GRM1: variants seen among roughly 807,000 people sequenced by gnomAD.
GRM1 encodes the protein glutamate metabotropic receptor 1.
In GRM1, 33 loss-of-function variants were observed where a neutral mutation model predicts 90.9. That is an observed-to-expected ratio of 0.36 (90% confidence interval 0.28 to 0.49). GRM1 has a LOEUF of 0.49. GRM1 is among the 20% of genes least tolerant of loss of function. The probability of loss-of-function intolerance (pLI) is 0.99; values close to 1 mark genes in which losing one functional copy is unlikely to be tolerated. For synonymous variants in GRM1, 700 were observed against 613.2 expected (o/e 1.14, Z -2.09); for missense variants, 1,190 against 1,534.3 (o/e 0.78, Z 3.75).
chr6:146,384,857 C>A (rs916970102), intron 5 of GRM1, among the ~76,000 whole-genome samples: 2 of 151,762 alleles, frequency 1.3e-5, no homozygotes, highest in Admixed American at 1.3e-4. Flanking sequence ...AAGAAAAAAA[C>A]ATTTTAATGG....
At chr6:146,308,588 TATAG>T (rs1783663229) in intron 3 of GRM1, among the ~76,000 whole-genome samples, 1 of 152,182 alleles carries the variant, frequency 6.6e-6, no homozygotes, top group African/African-American at 2.4e-5. Context: ...TTAGTGCCAA[TATAG>T]ATATTTTCTC....
intron 7 of GRM1, among the ~76,000 whole-genome samples, chr6:146,430,233 T>C (rs1778360224): frequency 6.6e-6 from 1 of 152,216 alleles, no homozygotes; most frequent in Admixed American, 6.5e-5. Flanking sequence ...AGCTAACTAA[T>C]GAAAGAAAAA....
intron 1 of GRM1, among the ~76,000 whole-genome samples, chr6:146,043,422 A>G (rs1271237475): frequency 6.6e-6 from 1 of 151,978 alleles, no homozygotes; most frequent in East Asian, 1.9e-4. Flanking sequence ...ACAGGGATTA[A>G]AAATTTAGAC....
intron 1 of GRM1, among the ~76,000 whole-genome samples, chr6:146,120,435 C>T (rs1182910385): frequency 6.6e-6 from 1 of 152,132 alleles, no homozygotes; most frequent in East Asian, 1.9e-4. Context: ...TTATTTCTTT[C>T]TCCTGCCTGA....
At chr6:146,272,216 G>A (rs1046695597) in intron 2 of GRM1, among the ~76,000 whole-genome samples, 5 of 152,104 alleles carry the variant, frequency 3.3e-5, no homozygotes, top group Admixed American at 6.5e-5. Context: ...AGGGTGCTTG[G>A]GGATTCTTTT....
chr6:146,040,116 T>C (rs750333621), intron 1 of GRM1, among the ~76,000 whole-genome samples: 1 of 150,582 alleles, frequency 6.6e-6, no homozygotes, highest in Non-Finnish European at 1.5e-5. Context: ...TGAGAAAGAG[T>C]CTACAGAAAA....
intron 2 of GRM1, among the ~76,000 whole-genome samples, chr6:146,191,706 A>G (rs1030610828): frequency 6.6e-6 from 1 of 151,232 alleles, no homozygotes; most frequent in Non-Finnish European, 1.5e-5. Context: ...TGCTTTTCCC[A>G]ATTTCTCTTC....
At chr6:146,352,778 C>G (rs1297198325) in intron 4 of GRM1, among the ~76,000 whole-genome samples, 1 of 152,178 alleles carries the variant, frequency 6.6e-6, no homozygotes, top group Non-Finnish European at 1.5e-5. Flanking sequence ...TGCTTGGGAC[C>G]TTCCTGCAAG....
intron 7 of GRM1, among the ~76,000 whole-genome samples, chr6:146,407,845 T>C (rs778523278): frequency 3.9e-4 from 59 of 152,332 alleles, no homozygotes; most frequent in Non-Finnish European, 7.1e-4. Context: ...ATAGAGCCCA[T>C]TCCCAAAAAA....
intron 1 of GRM1, among the ~76,000 whole-genome samples, chr6:146,051,388 C>T (rs545147244): frequency 7.0e-6 from 1 of 143,304 alleles, no homozygotes; most frequent in South Asian, 2.2e-4. Flanking sequence ...TGATACAGTG[C>T]TCATCCTAAG....
intron 6 of GRM1, among the ~76,000 whole-genome samples, chr6:146,391,747 CT>C (rs1776732061): frequency 6.6e-6 from 1 of 151,870 alleles, no homozygotes; most frequent in Non-Finnish European, 1.5e-5. Context: ...GAATCTAAAA[CT>C]TTTAAGAAAC....
At chr6:146,079,370 T>C (rs567341857) in intron 1 of GRM1, among the ~76,000 whole-genome samples, 3 of 152,104 alleles carry the variant, frequency 2.0e-5, no homozygotes, top group Non-Finnish European at 4.4e-5. Flanking sequence ...GCCATCTCCA[T>C]TGAGTGCAAG....
chr6:146,312,992 C>G lies in GRM1; in HGVS notation c.1186+8146C>G, dbSNP rs980345373. On this transcript the variant is annotated intron_variant, in intron 3 of 7. Transcript: ENST00000282753. The stretch of plus-strand genomic sequence containing the variant: ...GAGAAACATGCACATGTTCTGTCAT[C>G]CAAAAATTATAAAGATTGATGCAGG... Among the ~76,000 whole-genome samples the G allele has an allele frequency of 4.6e-5, 7 of 152,136 alleles. No homozygotes were observed. In the South Asian group the frequency reaches 1.5e-3, roughly 32 times the overall value.
intron 2 of GRM1, among the ~76,000 whole-genome samples, chr6:146,166,710 C>A (rs1026335760): frequency 2.6e-5 from 4 of 152,036 alleles, no homozygotes; most frequent in African/African-American, 9.7e-5. Flanking sequence ...CTAGAGTTGC[C>A]TGGGGCCTAC....
At chr6:146,215,123 G>A (rs1454272873) in intron 2 of GRM1, among the ~76,000 whole-genome samples, 3 of 152,094 alleles carry the variant, frequency 2.0e-5, no homozygotes, top group Non-Finnish European at 4.4e-5. Flanking sequence ...TTATTGTTTT[G>A]TATAAAGTCC....
chr6:146,192,934 G>C (rs963998557), intron 2 of GRM1, among the ~76,000 whole-genome samples: 1 of 152,002 alleles, frequency 6.6e-6, no homozygotes, highest in African/African-American at 2.4e-5. Context: ...GAAGATGACC[G>C]GCATAGAAGA....
chr6:146,306,414 C>G (rs1025972834), intron 3 of GRM1, among the ~76,000 whole-genome samples: 1 of 152,106 alleles, frequency 6.6e-6, no homozygotes, highest in African/African-American at 2.4e-5. Context: ...AGCAAAGAAA[C>G]GACAACCCAC....
intron 1 of GRM1, among the ~76,000 whole-genome samples, chr6:146,060,631 G>A (rs887604335): frequency 3.9e-5 from 6 of 151,944 alleles, no homozygotes; most frequent in Admixed American, 6.6e-5. Context: ...GTAACACATT[G>A]TCTTTATCCA....
chr6:146,035,787 CT>C (rs1790868854), intron 1 of GRM1, among the ~76,000 whole-genome samples: 1 of 151,752 alleles, frequency 6.6e-6, no homozygotes. Flanking sequence ...TTTATTTTTT[CT>C]TTTATATCTT....
Sources: gnomAD v4.1 joint callset for allele counts (sites outside exome capture counted in the v4.1 genomes callset) on GRCh38, gnomAD v4.1.1 for gene constraint, MANE v1.5 for transcripts, NCBI Gene and HGNC (gene_info 2026-07-23, HGNC 2026-07-21) for gene names.